Variants in PDCD11 observed in about 807,000 individuals in gnomAD.
The protein encoded by PDCD11 is protein RRP5 homolog.
PDCD11 carries 97 observed loss-of-function variants against 198.9 expected under a neutral mutation model. The observed-to-expected ratio is 0.49, with a 90% CI of 0.41 to 0.58. The LOEUF is 0.58. PDCD11 is among the 20% of genes least tolerant of loss of function. The probability of loss-of-function intolerance (pLI) is 0.00; values close to 1 mark genes in which losing one functional copy is unlikely to be tolerated. For missense variants in PDCD11, 2,102 were observed against 2,312.7 expected, an observed-to-expected ratio of 0.91 and a Z score of 1.87; for synonymous variants, 893 against 918.0, an observed-to-expected ratio of 0.97 and a Z score of 0.49.
rs1488523002 is a variant in PDCD11 at position 103,418,604 on chromosome 10, C to T, written c.2076C>T (p.Val692=). 1.9e-6 allele frequency: 3 copies of T among 1,614,140 alleles called. No homozygotes were observed. In the South Asian group the frequency reaches 3.3e-5, roughly 18 times the overall value. ...WLQAGDILHR[V]LCLSQSEGRV... ...AGGCAGGTGACATCCTTCACCGAGT[C>T]CTGTGTCTGAGCCAGAGCGAGGGGC... is the stretch of plus-strand genomic sequence containing the variant. The change falls in exon 15 of 36, where the codon GTC becomes GTT. Residue 692 remains valine, a synonymous_variant. Transcript: ENST00000369797.
Position 103,434,328 on chromosome 10 carries a change from C to T in PDCD11, c.3645C>T (p.Thr1215=), listed in dbSNP as rs745878489. The change falls in exon 24 of 36, where the codon ACC becomes ACT. Residue 1215 remains threonine (T), a synonymous_variant. Coordinates refer to ENST00000369797, the MANE Select transcript of PDCD11 (RefSeq NM_014976.2). ...ATVVGPDSSK[T]LLCLSLTGPH... is the part of the protein sequence containing the mutation. ...TTGTTGGCCCAGATTCCTCCAAGAC[C>T]CTCTTATGTCTGTCCCTCACAGGTG... The T allele has an allele frequency of 8.1e-6, 13 of 1,611,100 alleles. No homozygotes were observed. The East Asian group carries it at 2.0e-4, about 25-fold the overall frequency.
chr10:103,420,915 G>A (rs183870636), intron 16 of PDCD11, among the ~76,000 whole-genome samples: 49 of 150,088 alleles, frequency 3.3e-4, no homozygotes, highest in Non-Finnish European at 4.6e-4. Flanking sequence ...TCACTCTGTC[G>A]CCCAGGCTGG....
chr10:103,429,723 A>G (rs899937072), intron 21 of PDCD11, among the ~76,000 whole-genome samples: 2 of 152,176 alleles, frequency 1.3e-5, no homozygotes, highest in Admixed American at 1.3e-4. Context: ...AACTAAATGC[A>G]TGTTATACAG....
rs749309512 is a variant in PDCD11 at position 103,445,512 on chromosome 10, A to C, written c.5579A>C (p.Glu1860Ala). The stretch of plus-strand genomic sequence containing the variant: ...CAGGCAGTCAAGGCCAAGGCCCTGG[A>C]GTATGTGGAGGCCAAGAGCTCAGTG... ...DVQAVKAKAL[E>A]YVEAKSSVLE... The change falls in exon 36 of 36, where the codon GAG (glutamate) becomes GCG (alanine). Residue 1860 changes from glutamate (E) to alanine (A), a missense_variant. Coordinates refer to ENST00000369797, the MANE Select transcript of PDCD11 (RefSeq NM_014976.2). The C allele has an allele frequency of 9.5e-5, 153 of 1,613,854 alleles. No individual in the cohort carries two copies. The highest frequency in any genetic ancestry group is 1.2e-4 in the Non-Finnish European group (139 of 1,180,038).
chr10:103,427,461 C>T (rs950210694), intron 21 of PDCD11, 70 bp downstream of exon 21: 28 of 1,261,374 alleles, frequency 2.2e-5, no homozygotes, highest in South Asian at 2.2e-4. Flanking sequence ...ATCCCGAATT[C>T]GAATCTTGAT....
rs1339712538 is a variant in PDCD11 at position 103,442,214 on chromosome 10, TAAAG to T, written c.4713_4716del (p.Lys1572AlafsTer23). ...CGGTGTTTCTGCTTTCCATAGCAGA[TAAAG>T]AAAAGCAAGAAAGAAAGGGAGTTGG... On this transcript the variant is annotated frameshift_variant and splice_region_variant, in exon 32 of 36. Transcript: ENST00000369797. LOFTEE classifies it high-confidence loss of function. 1.2e-6 allele frequency: 2 copies of T among 1,613,632 alleles called. No individual in the cohort carries two copies. Among genetic ancestry groups the T allele is most frequent in the Non-Finnish European group, 1.7e-6 (2 of 1,179,874 alleles).
At chr10:103,407,822 G>A (rs2030553664) in intron 7 of PDCD11, among the ~76,000 whole-genome samples, 1 of 151,734 alleles carries the variant, frequency 6.6e-6, no homozygotes, top group Non-Finnish European at 1.5e-5. Context: ...GGATTCAAGC[G>A]ATCCCCCTGC....
At chr10:103,428,469 G>A (rs1301727602) in intron 21 of PDCD11, among the ~76,000 whole-genome samples, 3 of 152,132 alleles carry the variant, frequency 2.0e-5, no homozygotes, top group Admixed American at 6.5e-5. Context: ...TCTTAGTTTT[G>A]TAGATTTTGA....
At chr10:103,413,472 A>G (rs1403846158) in intron 9 of PDCD11, 150 bp downstream of exon 9, 2 of 656,600 alleles carry the variant, frequency 3.0e-6, no homozygotes, top group Admixed American at 2.8e-5. Flanking sequence ...GATTAGAACA[A>G]TGTCTATTGA....
At chr10:103,443,405 G>A (rs565490857) in intron 33 of PDCD11, 72 bp downstream of exon 33, 1 of 1,391,098 alleles carries the variant, frequency 7.2e-7, no homozygotes, top group Non-Finnish European at 9.8e-7. Flanking sequence ...CCCCTGGGGT[G>A]CTGGGTCCAG....
At chr10:103,400,896 AG>A (rs2029999986) in intron 3 of PDCD11, among the ~76,000 whole-genome samples, 1 of 152,020 alleles carries the variant, frequency 6.6e-6, no homozygotes, top group South Asian at 2.1e-4. Context: ...GGACTACTAA[AG>A]GTGTGTGTCA....
rs750718569 is a variant in PDCD11, at chr10:103,438,694, C to T, written c.3911C>T (p.Pro1304Leu). The T allele has an allele frequency of 3.7e-5, 59 of 1,614,078 alleles. No homozygotes were observed. The highest frequency in any genetic ancestry group is 1.6e-4 in the Middle Eastern group (1 of 6,062). ...TLSLRSSRTN[P>L]ETKSKVEDPE... ...GCCTTTTATTCCTTTAGAACAAACC[C>T]GGAGACGAAAAGCAAAGTAGAAGAT... Residue 1304 changes from proline to leucine, a missense_variant, in exon 27 of 36, where the codon CCG (proline) becomes CTG (leucine). By Grantham distance (98) the Pro-to-Leu change is moderately conservative. Coordinates refer to ENST00000369797, the MANE Select transcript of PDCD11 (RefSeq NM_014976.2).
intron 12 of PDCD11, among the ~76,000 whole-genome samples, chr10:103,415,555 T>C (rs1182500574): frequency 6.6e-6 from 1 of 152,246 alleles, no homozygotes; most frequent in East Asian, 1.9e-4. Flanking sequence ...TTATTTCATT[T>C]AATCCTTGAA....
chr10:103,431,350 G>A (rs1408884471), intron 21 of PDCD11, among the ~76,000 whole-genome samples: 1 of 151,964 alleles, frequency 6.6e-6, no homozygotes, highest in African/African-American at 2.4e-5. Context: ...CAGCACTCTG[G>A]GAGGCCAAGG....
chr10:103,444,483 C>T, intron 34 of PDCD11, 34 bp from the exon 35 acceptor site: 2 of 1,606,504 alleles, frequency 1.2e-6, no homozygotes, highest in Non-Finnish European at 1.7e-6. Context: ...GGGCTGTCTG[C>T]TTGTTGGGTC....
chr10:103,438,102 G>C lies in PDCD11; in HGVS notation c.3902+31G>C, dbSNP rs201048511. 1.9e-5 allele frequency: 31 copies of C among 1,595,314 alleles called. No individual in the cohort carries two copies. The East Asian group carries it at 5.4e-4, about 28-fold the overall frequency. On this transcript the variant is annotated intron_variant, in intron 26 of 35. Transcript: ENST00000369797. Reference sequence around the variant, plus strand: ...TTTCTGTGTTGTTGGAAAAAGAAAGGAGGAAGACCCACTCAGGATCAAGGG... The same window carrying C: ...TTTCTGTGTTGTTGGAAAAAGAAAGCAGGAAGACCCACTCAGGATCAAGGG...
At position 103,421,837 on chromosome 10, in the gene PDCD11, G is replaced by A. The variant is rs867245102; in HGVS notation, c.2497+270G>A. On this transcript the variant is annotated intron_variant, in intron 17 of 35. Coordinates refer to ENST00000369797, the MANE Select transcript of PDCD11 (RefSeq NM_014976.2). ...AAAAAATTAGCCGGGCGCGGTGGCG[G>A]GCGCCTGTAGTCCCAGCTACTCGGG... is the stretch of plus-strand genomic sequence containing the variant. Among the ~76,000 whole-genome samples the A allele has an allele frequency of 6.3e-3, 945 of 150,672 alleles. 2 individuals are homozygous for A. The highest frequency in any genetic ancestry group is 0.017 in the Middle Eastern group (5 of 294).
chr10:103,412,754 A>C (rs1419130424), intron 8 of PDCD11, among the ~76,000 whole-genome samples: 1 of 152,092 alleles, frequency 6.6e-6, no homozygotes, highest in Non-Finnish European at 1.5e-5. Flanking sequence ...GTGAGCCATG[A>C]TCCCCAGCCT....
intron 7 of PDCD11, among the ~76,000 whole-genome samples, chr10:103,408,327 A>G (rs1164446725): frequency 6.6e-6 from 1 of 151,878 alleles, no homozygotes; most frequent in Non-Finnish European, 1.5e-5. Context: ...CTTTGGTCCC[A>G]TGTATTCTTC....
Sources: allele counts gnomAD v4.1 joint callset (sites outside exome capture counted in the v4.1 genomes callset), GRCh38; gene constraint gnomAD v4.1.1; transcripts MANE v1.5; gene names NCBI Gene and HGNC (gene_info 2026-07-23, HGNC 2026-07-21).